SYTL2: variants seen among roughly 807,000 people sequenced by gnomAD.
SYTL2 encodes the protein synaptotagmin like 2, also known as synaptotagmin-like protein 2.
SYTL2 carries 165 observed loss-of-function variants against 198.7 expected under a neutral mutation model. That is an observed-to-expected ratio of 0.83 (90% confidence interval 0.73 to 0.94). SYTL2 has a LOEUF of 0.94. Ranked by LOEUF, SYTL2 falls within the 40% of genes least tolerant of loss-of-function variation. SYTL2 has a pLI of 0.00. For missense variants in SYTL2, 2,835 were observed against 2,582.8 expected, an observed-to-expected ratio of 1.10 and a Z score of -2.12; for synonymous variants, 966 against 917.7, an observed-to-expected ratio of 1.05 and a Z score of -0.95.
chr11:85,736,742 A>T, intron 5 of SYTL2, 127 bp from the exon 6 acceptor site: 1 of 636,958 alleles, frequency 1.6e-6, no homozygotes. Context: ...GCATGTTTGA[A>T]AAACAGTTGT....
At chr11:85,803,980 A>G (rs564810122) in intron 1 of SYTL2, among the ~76,000 whole-genome samples, 5 of 152,340 alleles carry the variant, frequency 3.3e-5, no homozygotes, top group Non-Finnish European at 7.3e-5. Flanking sequence ...AAAGGAATGG[A>G]AAAGAAAGAT....
At chr11:85,698,521 T>C (rs984104992) in intron 17 of SYTL2, among the ~76,000 whole-genome samples, 2 of 152,188 alleles carry the variant, frequency 1.3e-5, no homozygotes, top group African/African-American at 4.8e-5. Flanking sequence ...GGCTAAGGTA[T>C]AGTCATTTTT....
chr11:85,845,858 G>A, the SYTL2 span, among the ~76,000 whole-genome samples: 1 of 152,158 alleles, frequency 6.6e-6, no homozygotes, highest in Non-Finnish European at 1.5e-5. Context: ...GGAGCTTGCA[G>A]TGAGCCAAGA....
chr11:85,803,394 C>CAA, intron 1 of SYTL2, among the ~76,000 whole-genome samples: 1 of 152,258 alleles, frequency 6.6e-6, no homozygotes, highest in East Asian at 1.9e-4. Context: ...GTCTTCTTGC[C>CAA]AGTTCTCCAT....
chr11:85,724,577 T>C lies in SYTL2; in HGVS notation c.4781A>G (p.Lys1594Arg). ...QVSVREETHE[K>R]ESSQSEQTRF... Reference sequence around the variant, plus strand: ...GGTCTGCTCTGACTGTGAGGACTCCTTCTCGTGAGTTTCTTCTCTCACTGA... The same window carrying C: ...GGTCTGCTCTGACTGTGAGGACTCCCTCTCGTGAGTTTCTTCTCTCACTGA... The change falls in exon 8 of 20, where the codon AAG becomes AGG. Residue 1594 changes from lysine to arginine, a missense_variant. Physicochemically the swap from Lys to Arg is conservative, Grantham distance 26. Coordinates refer to ENST00000359152, the MANE Select transcript of SYTL2 (RefSeq NM_206927.4). 6.2e-7 allele frequency: 1 copy of C among 1,613,252 alleles called. No homozygotes were observed. The highest frequency in any genetic ancestry group is 8.5e-7 in the Non-Finnish European group (1 of 1,179,732).
At chr11:85,846,310 T>G in the SYTL2 span, among the ~76,000 whole-genome samples, 2 of 152,226 alleles carry the variant, frequency 1.3e-5, no homozygotes, top group South Asian at 4.1e-4. Context: ...ATTTCCATAC[T>G]CTCTTGCTTA....
At chr11:85,698,745 C>T (rs1226822962) in intron 17 of SYTL2, among the ~76,000 whole-genome samples, 4 of 152,154 alleles carry the variant, frequency 2.6e-5, no homozygotes, top group Non-Finnish European at 5.9e-5. Context: ...CGTCATGTTG[C>T]CCAGGCTTGT....
the SYTL2 span, among the ~76,000 whole-genome samples, chr11:85,845,277 T>G: frequency 5.1e-4 from 78 of 152,314 alleles, 1 homozygote; most frequent in East Asian, 0.013. Context: ...CAGGCAGAGA[T>G]AGAATCTGTC....
At position 85,736,746 on chromosome 11, in the gene SYTL2, C is replaced by T. The variant is rs1386276957; in HGVS notation, c.472-131G>A. ...TCCATTATTTGGCATGTTTGAAAAACAGTTGTCCTGATTAATCTGCTTAGC... is the reference window on the plus strand; with the variant it reads ...TCCATTATTTGGCATGTTTGAAAAATAGTTGTCCTGATTAATCTGCTTAGC... On this transcript the variant is annotated intron_variant, in intron 5 of 19. Coordinates refer to ENST00000359152, the MANE Select transcript of SYTL2 (RefSeq NM_206927.4). 11 of 630,526 alleles carry T rather than the reference C, an allele frequency of 1.7e-5. No homozygotes were observed. The Admixed American group carries it at 2.5e-4, about 14-fold the overall frequency. The allele number at this position is 630,526 out of a possible 1,614,324, so 39.1% of individuals were successfully genotyped here.
intron 1 of SYTL2, among the ~76,000 whole-genome samples, chr11:85,772,721 G>C (rs1214854774): frequency 1.3e-5 from 2 of 152,182 alleles, no homozygotes; most frequent in African/African-American, 4.8e-5. Context: ...GCCAGCCTGA[G>C]CTCAGACTCA....
chr11:85,834,657 G>A, the SYTL2 span, among the ~76,000 whole-genome samples: 8 of 152,012 alleles, frequency 5.3e-5, no homozygotes, highest in Admixed American at 4.6e-4. Context: ...TATATTCTGT[G>A]ATTTTGCCCA....
chr11:85,810,105 C>T (rs575567238), intron 1 of SYTL2, among the ~76,000 whole-genome samples: 186 of 152,324 alleles, frequency 1.2e-3, no homozygotes, highest in African/African-American at 4.4e-3. Flanking sequence ...GCTTCCTCTG[C>T]ACATCCCTGC....
the SYTL2 span, among the ~76,000 whole-genome samples, chr11:85,833,040 AAAGAAAGAAAG>A: frequency 9.4e-4 from 22 of 23,466 alleles, 3 homozygotes; most frequent in South Asian, 2.5e-3. Flanking sequence ...AGAAAGAAAG[AAAGAAAGAAAG>A]AAAGAAAGAA....
Position 85,707,470 on chromosome 11 carries a change from C to A in SYTL2, c.5977G>T (p.Val1993Leu), listed in dbSNP as rs1298030065. The A allele has an allele frequency of 6.2e-6, 10 of 1,614,066 alleles. 1 individual carries two copies. Among genetic ancestry groups the A allele is most frequent in the Non-Finnish European group, 6.8e-6 (8 of 1,179,974 alleles). Reference sequence around the variant, plus strand: ...TACACAGGATTCAAGGTTTTCTTCACTACGAGTGTTTTCTTCTTGCCCATT... The same window carrying A: ...TACACAGGATTCAAGGTTTTCTTCAATACGAGTGTTTTCTTCTTGCCCATT... ...GKMGKKKTLVVKKTLNPVYNE... is the reference protein window; with the variant it reads ...GKMGKKKTLVLKKTLNPVYNE... The change falls in exon 15 of 20, where the codon GTG becomes TTG. Residue 1993 changes from valine (V) to leucine (L), a missense_variant. Val to Leu is a conservative substitution (Grantham distance 32). Coordinates refer to ENST00000359152, the MANE Select transcript of SYTL2 (RefSeq NM_206927.4).
At chr11:85,831,536 A>G in the SYTL2 span, among the ~76,000 whole-genome samples, 1 of 152,244 alleles carries the variant, frequency 6.6e-6, no homozygotes, top group Non-Finnish European at 1.5e-5. Context: ...CCTAAATAGC[A>G]GAACTAATTC....
chr11:85,729,514 C>T (rs1483016931), intron 7 of SYTL2, among the ~76,000 whole-genome samples: 4 of 152,112 alleles, frequency 2.6e-5, no homozygotes, highest in African/African-American at 7.2e-5. Context: ...GAAATAAAGG[C>T]AGAAATAAAT....
At chr11:85,756,456 G>A (rs1404703633) in intron 2 of SYTL2, among the ~76,000 whole-genome samples, 5 of 152,146 alleles carry the variant, frequency 3.3e-5, no homozygotes, top group Non-Finnish European at 7.3e-5. Context: ...AGGGAGAGGA[G>A]GTGGAGTTAA....
intron 1 of SYTL2, among the ~76,000 whole-genome samples, chr11:85,785,435 A>G (rs2092621751): frequency 6.6e-6 from 1 of 152,352 alleles, no homozygotes; most frequent in South Asian, 2.1e-4. Context: ...GAAAGTGTTT[A>G]CTATCTTCCT....
At chr11:85,830,466 T>G in the SYTL2 span, among the ~76,000 whole-genome samples, 2 of 152,228 alleles carry the variant, frequency 1.3e-5, no homozygotes, top group African/African-American at 4.8e-5. Flanking sequence ...AAACCTTCCA[T>G]GCAGCATGTG....
Sources: allele counts gnomAD v4.1 joint callset (sites outside exome capture counted in the v4.1 genomes callset), GRCh38; gene constraint gnomAD v4.1.1; transcripts MANE v1.5; gene names NCBI Gene and HGNC (gene_info 2026-07-23, HGNC 2026-07-21).